SOX15: variants seen among roughly 807,000 people sequenced by gnomAD.
The protein encoded by SOX15 is SRY-box transcription factor 15.
In SOX15, 12 loss-of-function variants were observed where a neutral mutation model predicts 15.9. That is an observed-to-expected ratio of 0.75 (90% CI 0.48 to 1.22). SOX15 has a LOEUF of 1.22. Among genes scored for constraint, SOX15 ranks in the 50% most tolerant of loss-of-function variants. The probability of loss-of-function intolerance (pLI) is 0.00; values close to 1 mark genes in which losing one functional copy is unlikely to be tolerated. For synonymous variants in SOX15, 149 were observed against 142.8 expected, an observed-to-expected ratio of 1.04 and a Z score of -0.31; for missense variants, 309 against 313.9, an observed-to-expected ratio of 0.98 and a Z score of 0.12.
chr17:7,588,642 A>G, intron 1 of SOX15, 96 bp from the exon 2 acceptor site: 2 of 1,314,254 alleles, frequency 1.5e-6, no homozygotes, highest in Non-Finnish European at 2.2e-6. Context: ...CCACCCACCC[A>G]GCCCTGGCTA....
rs1203767552 is a variant in SOX15, at chr17:7,589,249, C to A, written c.428G>T (p.Ser143Ile). The change falls in exon 1 of 2, where the codon AGC becomes ATC. Residue 143 changes from serine (S) to isoleucine (I), a missense_variant. Physicochemically the swap from Ser to Ile is moderately radical, Grantham distance 142 (BLOSUM62 -2). Coordinates refer to ENST00000250055, the MANE Select transcript of SOX15 (RefSeq NM_006942.2). ...CCCCGGCCCCCAGAGCGGGCCGCCG[C>A]TGGCCAGGTTGCCTCTTCCCTGTCC... The part of the protein sequence containing the change: ...RCGQGRGNLA[S>I]GGPLWGPGYA... 9.7e-6 allele frequency: 15 copies of A among 1,551,790 alleles called. No individual in the cohort carries two copies. Among genetic ancestry groups the A allele is most frequent in the Non-Finnish European group, 8.7e-7 (1 of 1,148,190 alleles).
In SOX15 at chr17:7,588,460, T is replaced by A. The variant is rs1330988474; in HGVS notation, c.620A>T (p.Tyr207Phe). 5.0e-6 allele frequency: 8 copies of A among 1,613,418 alleles called. No individual in the cohort carries two copies. The East Asian group carries it at 6.7e-5, about 13-fold the overall frequency. The change falls in exon 2 of 2, where the codon TAT becomes TTT. Residue 207 changes from tyrosine (Y) to phenylalanine (F), a missense_variant. By Grantham distance (22) the Tyr-to-Phe change is conservative. Coordinates refer to ENST00000250055, the MANE Select transcript of SOX15 (RefSeq NM_006942.2). ...AGAGCCAGGGGGCAGGTAGTGGGTA[T>A]AGGTGGGCAGCAGTTCCCCCTGGAG... ...PRLQGELLPTYTHYLPPGSPT... is the reference protein window; with the variant it reads ...PRLQGELLPTFTHYLPPGSPT...
At position 7,589,956 on chromosome 17, in the gene SOX15, C is replaced by T; in HGVS notation, c.-280G>A. On this transcript the variant is annotated 5_prime_UTR_variant, in exon 1 of 2. Transcript: ENST00000250055. ...ACTGACTGGGGGACCCCCGGTCCCT[C>T]TCCCCGACCCGCAGCTGCGATCAGA... is the stretch of plus-strand genomic sequence containing the variant. The T allele has an allele frequency of 2.1e-6, 1 of 470,516 alleles. No homozygotes were observed. Among genetic ancestry groups the T allele is most frequent in the Non-Finnish European group, 3.8e-6 (1 of 266,034 alleles). 29.1% of individuals were successfully genotyped at this position (470,516 alleles called of 1,614,324 possible). A position where few individuals can be genotyped will look rare whatever the true frequency, so the allele number is the denominator to read the frequency against.
rs1337408953 is a variant in SOX15 at position 7,589,230 on chromosome 17, C to A, written c.447G>T (p.Gly149=). The A allele has an allele frequency of 3.2e-6, 5 of 1,544,694 alleles. No individual in the cohort carries two copies. The African/African-American group carries it at 6.9e-5, about 21-fold the overall frequency. The change falls in exon 1 of 2, where the codon GGG becomes GGT. Residue 149 remains glycine (G), a synonymous_variant. Transcript: ENST00000250055. ...GNLASGGPLW[G]PGYATTQPSR... ...TCGGTTGGGTGGTCGCGTACCCCGG[C>A]CCCCAGAGCGGGCCGCCGCTGGCCA...
chr17:7,589,998 G>A lies in SOX15; in HGVS notation c.-322C>T, dbSNP rs985039175. ...GCGATCAGACCGACCTTCCGTGGAG[G>A]GGGTAAACCATAAACCCCTTTGTGG... is the stretch of plus-strand genomic sequence containing the variant. On this transcript the variant is annotated 5_prime_UTR_variant, in exon 1 of 2. Transcript: ENST00000250055. The A allele has an allele frequency of 5.1e-6, 2 of 395,118 alleles. No individual in the cohort carries two copies. Among genetic ancestry groups the A allele is most frequent in the Admixed American group, 4.3e-5 (1 of 23,036 alleles). 24.5% of individuals were successfully genotyped at this position (395,118 alleles called of 1,614,324 possible). A position where few individuals can be genotyped will look rare whatever the true frequency, so the allele number is the denominator to read the frequency against.
At position 7,588,296 on chromosome 17, in the gene SOX15, G is replaced by A. The variant is rs746823220; in HGVS notation, c.*82C>T. 7.2e-7 allele frequency: 1 copy of A among 1,391,980 alleles called. No individual in the cohort carries two copies. 86.2% of individuals were successfully genotyped at this position (1,391,980 alleles called of 1,614,324 possible). A position where few individuals can be genotyped will look rare whatever the true frequency, so the allele number is the denominator to read the frequency against. ...TGAACTGTAGTCCAACAGGAGAAAG[G>A]GTTGACAGCCTGGGGTAGGGGATGC... On this transcript the variant is annotated 3_prime_UTR_variant, in exon 2 of 2. Coordinates refer to ENST00000250055, the MANE Select transcript of SOX15 (RefSeq NM_006942.2).
Position 7,589,321 on chromosome 17 carries a change from C to T in SOX15, c.356G>A (p.Arg119Gln), listed in dbSNP as rs774568828. The T allele has an allele frequency of 1.1e-5, 17 of 1,604,482 alleles. No homozygotes were observed. Among genetic ancestry groups the T allele is most frequent in the Admixed American group, 1.7e-5 (1 of 58,356 alleles). The change falls in exon 1 of 2, where the codon CGG becomes CAG. Residue 119 changes from arginine (R) to glutamine (Q), a missense_variant. Coordinates refer to ENST00000250055, the MANE Select transcript of SOX15 (RefSeq NM_006942.2). ...HLRDYPDYKY[R>Q]PRRKAKSSGA... Reference sequence around the variant, plus strand: ...CGAGCTCTTGGCCTTGCGCCGAGGCCGGTACTTGTAGTCGGGGTAGTCGCG... The same window carrying T: ...CGAGCTCTTGGCCTTGCGCCGAGGCTGGTACTTGTAGTCGGGGTAGTCGCG...
rs1567745623 is a variant in SOX15 at position 7,589,284 on chromosome 17, A to C, written c.393T>G (p.Pro131=). 1 of 1,574,044 alleles carries C rather than the reference A, an allele frequency of 6.4e-7. No individual in the cohort carries two copies. The highest frequency in any genetic ancestry group is 8.6e-7 in the Non-Finnish European group (1 of 1,159,994). ...TGCCTCTTCCCTGTCCGCAGCGGGA[A>C]GGTCCGGCGCCCGAGCTCTTGGCCT... ...RRKAKSSGAG[P]SRCGQGRGNL... Residue 131 remains proline (P), a synonymous_variant, in exon 1 of 2, where the codon CCT becomes CCG. Transcript: ENST00000250055.
At position 7,588,415 on chromosome 17, in the gene SOX15, G is replaced by A; in HGVS notation, c.665C>T (p.Pro222Leu). The stretch of plus-strand genomic sequence containing the variant: ...TAGGGGCATGGGGGCACCAGCAAGG[G>A]GAGGGTTGTATGGAGTGGGAGAGCC... ...PPGSPTPYNPPLAGAPMPLTH... is the reference protein window; with the variant it reads ...PPGSPTPYNPLLAGAPMPLTH... Residue 222 changes from proline to leucine, a missense_variant, in exon 2 of 2, where the codon CCC (proline) becomes CTC (leucine). Coordinates refer to ENST00000250055, the MANE Select transcript of SOX15 (RefSeq NM_006942.2). 1 of 1,613,646 alleles carries A rather than the reference G, an allele frequency of 6.2e-7. No individual in the cohort carries two copies. The highest frequency in any genetic ancestry group is 1.1e-5 in the South Asian group (1 of 91,062).
At chr17:7,588,893 GCATCCAGGGGTCAGTCA>G in intron 1 of SOX15, 1 of 587,324 alleles carries the variant, frequency 1.7e-6, no homozygotes, top group South Asian at 2.1e-5. Flanking sequence ...GGACACAGTC[GCATCCAGGGGTCAGTCA>G]CCTGACCCTA....
chr17:7,588,858 AG>A (rs2071626638), intron 1 of SOX15: 2 of 588,048 alleles, frequency 3.4e-6, no homozygotes, highest in Non-Finnish European at 6.1e-6. Flanking sequence ...GGCCAGAAGC[AG>A]GGGGGAAACG....
Position 7,588,299 on chromosome 17 carries a change from T to C in SOX15, c.*79A>G, listed in dbSNP as rs1393164751. ...ACTGTAGTCCAACAGGAGAAAGGGTTGACAGCCTGGGGTAGGGGATGCTGC... is the reference window on the plus strand; with the variant it reads ...ACTGTAGTCCAACAGGAGAAAGGGTCGACAGCCTGGGGTAGGGGATGCTGC... On this transcript the variant is annotated 3_prime_UTR_variant, in exon 2 of 2. Transcript: ENST00000250055. The C allele has an allele frequency of 1.4e-6, 2 of 1,431,318 alleles. No homozygotes were observed. The highest frequency in any genetic ancestry group is 3.3e-5 in the Admixed American group (2 of 59,778). 88.7% of individuals were successfully genotyped at this position (1,431,318 alleles called of 1,614,324 possible).
In SOX15 at chr17:7,589,248, G is replaced by A. The variant is rs202226161; in HGVS notation, c.429C>T (p.Ser143=). ...RCGQGRGNLA[S]GGPLWGPGYA... ...ACCCCGGCCCCCAGAGCGGGCCGCC[G>A]CTGGCCAGGTTGCCTCTTCCCTGTC... The change falls in exon 1 of 2, where the codon AGC becomes AGT. Residue 143 remains serine (S), a synonymous_variant. Transcript: ENST00000250055. The A allele has an allele frequency of 1.9e-6, 3 of 1,550,696 alleles. No homozygotes were observed. The highest frequency in any genetic ancestry group is 2.4e-5 in the South Asian group (2 of 84,840).
At position 7,589,296 on chromosome 17, in the gene SOX15, C is replaced by A; in HGVS notation, c.381G>T (p.Ser127=). ...GTCCGCAGCGGGAAGGTCCGGCGCC[C>A]GAGCTCTTGGCCTTGCGCCGAGGCC... The part of the protein sequence containing the change: ...KYRPRRKAKS[S]GAGPSRCGQG... The change falls in exon 1 of 2, where the codon TCG becomes TCT. Residue 127 remains serine (S), a synonymous_variant. Coordinates refer to ENST00000250055, the MANE Select transcript of SOX15 (RefSeq NM_006942.2). 1 of 1,585,800 alleles carries A rather than the reference C, an allele frequency of 6.3e-7. No homozygotes were observed. Among genetic ancestry groups the A allele is most frequent in the Non-Finnish European group, 8.6e-7 (1 of 1,166,200 alleles).
In SOX15 at chr17:7,589,315, C is replaced by G. The variant is rs1475076568; in HGVS notation, c.362G>C (p.Arg121Pro). The change falls in exon 1 of 2, where the codon CGG becomes CCG. Residue 121 changes from arginine to proline, a missense_variant. Transcript: ENST00000250055. ...GGCGCCCGAGCTCTTGGCCTTGCGC[C>G]GAGGCCGGTACTTGTAGTCGGGGTA... ...RDYPDYKYRPRRKAKSSGAGP... is the reference protein window; with the variant it reads ...RDYPDYKYRPPRKAKSSGAGP... 6.2e-7 allele frequency: 1 copy of G among 1,601,138 alleles called. No homozygotes were observed. The highest frequency in any genetic ancestry group is 8.5e-7 in the Non-Finnish European group (1 of 1,173,786).
At position 7,588,406 on chromosome 17, in the gene SOX15, C is replaced by T. The variant is rs1567745118; in HGVS notation, c.674G>A (p.Gly225Asp). The T allele has an allele frequency of 1.9e-6, 3 of 1,613,050 alleles. No homozygotes were observed. Among genetic ancestry groups the T allele is most frequent in the South Asian group, 1.1e-5 (1 of 90,990 alleles). Reference protein sequence around the residue: ...SPTPYNPPLAGAPMPLTHL With the variant: ...SPTPYNPPLADAPMPLTHL Reference sequence around the variant, plus strand: ...GAGGTGGGTTAGGGGCATGGGGGCACCAGCAAGGGGAGGGTTGTATGGAGT... The same window carrying T: ...GAGGTGGGTTAGGGGCATGGGGGCATCAGCAAGGGGAGGGTTGTATGGAGT... Residue 225 changes from glycine (G) to aspartate (D), a missense_variant, in exon 2 of 2, where the codon GGT (glycine) becomes GAT (aspartate). Coordinates refer to ENST00000250055, the MANE Select transcript of SOX15 (RefSeq NM_006942.2).
rs149155138 is a variant in SOX15 at position 7,588,884 on chromosome 17, G to T, written c.533+260C>A. On this transcript the variant is annotated intron_variant, in intron 1 of 1. Coordinates refer to ENST00000250055, the MANE Select transcript of SOX15 (RefSeq NM_006942.2). ...GGGGGGAAACGGGGCATCTAACTAGGACACAGTCGCATCCAGGGGTCAGTC... is the reference window on the plus strand; with the variant it reads ...GGGGGGAAACGGGGCATCTAACTAGTACACAGTCGCATCCAGGGGTCAGTC... 2.7e-3 allele frequency: 1,613 copies of T among 590,280 alleles called. 28 individuals are homozygous for T. The highest frequency in any genetic ancestry group is 0.025 in the African/African-American group (1,349 of 53,666). 36.6% of individuals were successfully genotyped at this position (590,280 alleles called of 1,614,324 possible).
rs1464517697 is a variant in SOX15 at position 7,588,438 on chromosome 17, G to C, written c.642C>G (p.Gly214=). Residue 214 remains glycine, a synonymous_variant, in exon 2 of 2, where the codon GGC becomes GGG. Coordinates refer to ENST00000250055, the MANE Select transcript of SOX15 (RefSeq NM_006942.2). ...GGGGAGGGTTGTATGGAGTGGGAGA[G>C]CCAGGGGGCAGGTAGTGGGTATAGG... ...LPTYTHYLPP[G]SPTPYNPPLA... 1.2e-6 allele frequency: 2 copies of C among 1,613,836 alleles called. No homozygotes were observed. Among genetic ancestry groups the C allele is most frequent in the Non-Finnish European group, 1.7e-6 (2 of 1,179,818 alleles).
Position 7,589,688 on chromosome 17 carries a change from AGCCTT to A in SOX15, c.-17_-13del. ...CCTGGTAGCGCCATGGGTTGGGAGA[AGCCTT>A]AAGAGGGCGTCCTGAATGCCCTCCC... On this transcript the variant is annotated 5_prime_UTR_variant, in exon 1 of 2. Coordinates refer to ENST00000250055, the MANE Select transcript of SOX15 (RefSeq NM_006942.2). 1 of 1,520,866 alleles carries A rather than the reference AGCCTT, an allele frequency of 6.6e-7. No homozygotes were observed. Among genetic ancestry groups the A allele is most frequent in the South Asian group, 1.2e-5 (1 of 81,478 alleles). 94.2% of individuals were successfully genotyped at this position (1,520,866 alleles called of 1,614,324 possible). A position where few individuals can be genotyped will look rare whatever the true frequency, so the allele number is the denominator to read the frequency against.
Sources: allele counts gnomAD v4.1 joint callset, GRCh38; gene constraint gnomAD v4.1.1; transcripts MANE v1.5; gene names NCBI Gene and HGNC (gene_info 2026-07-23, HGNC 2026-07-21).